Variants in SLC12A5 observed in about 807,000 individuals in gnomAD.
The protein encoded by SLC12A5 is K-Cl cotransporter 2.
SLC12A5 carries 18 observed loss-of-function variants against 124.0 expected under a neutral mutation model. The ratio of observed to expected loss-of-function variants is 0.15; its 90% CI spans 0.10 to 0.22. SLC12A5 has a LOEUF of 0.22. Ranked by LOEUF, SLC12A5 falls within the 10% of genes least tolerant of loss-of-function variation. The probability of loss-of-function intolerance (pLI) is 1.00; values close to 1 mark genes in which losing one functional copy is unlikely to be tolerated. For missense variants in SLC12A5, 867 were observed against 1,478.7 expected (o/e 0.59, Z 6.78); for synonymous variants, 589 against 568.0 (o/e 1.04, Z -0.53).
rs558132074 is a variant in SLC12A5 at position 46,058,415 on chromosome 20, G to C, written c.*810G>C. ...CTCCAGTCCTTTTCCGAGATGAGGT[G>C]AGACAAGGGTCCAACTTTTCCTGGA... On this transcript the variant is annotated 3_prime_UTR_variant, in exon 26 of 26. Transcript: ENST00000243964. The surrounding 1 kb of genome is among the most constrained non-coding windows in gnomAD (Gnocchi z 5.8). 7.5e-6 allele frequency: 3 copies of C among 398,952 alleles called. No homozygotes were observed. Among genetic ancestry groups the C allele is most frequent in the African/African-American group, 6.2e-5 (3 of 48,748 alleles). 24.7% of individuals were successfully genotyped at this position (398,952 alleles called of 1,614,324 possible).
Position 46,041,563 on chromosome 20 carries a change from GC to G in SLC12A5, c.1066+24del, listed in dbSNP as rs775472746. 9 of 1,611,942 alleles carry G rather than the reference GC, an allele frequency of 5.6e-6. No homozygotes were observed. In the East Asian group the frequency reaches 2.0e-4, roughly 36 times the overall value. ...AAGGTCTGCGGAGGGACAAGGGCTG[GC>G]ATCCAGGGAACGCTGCAGGGATTGT... On this transcript the variant is annotated intron_variant, in intron 8 of 25. Coordinates refer to ENST00000243964, the MANE Select transcript of SLC12A5 (RefSeq NM_020708.5).
chr20:46,040,290 G>A (rs1452904111), intron 6 of SLC12A5, 83 bp from the exon 7 acceptor site: 1 of 1,567,472 alleles, frequency 6.4e-7, no homozygotes, highest in Non-Finnish European at 8.6e-7. Context: ...GTGCTGTGAT[G>A]AGCATCTTTT....
chr20:46,049,789 A>C lies in SLC12A5; in HGVS notation c.2180A>C (p.Glu727Ala), dbSNP rs1344762308. ...CATCCACAGGCCCAGCGGGCAGAAG[A>C]GGTGAGCAGAGGCCCTGGTTGGGCT... ...ENHPQAQRAE[E>A]SIRRLMEAEK... is the part of the protein sequence containing the mutation. Residue 727 changes from glutamate (E) to alanine (A), a missense_variant and splice_region_variant, in exon 17 of 26, where the codon GAG (glutamate) becomes GCG (alanine). By Grantham distance (107) the Glu-to-Ala change is moderately radical. Coordinates refer to ENST00000243964, the MANE Select transcript of SLC12A5 (RefSeq NM_020708.5). 1 of 1,587,112 alleles carries C rather than the reference A, an allele frequency of 6.3e-7. No individual in the cohort carries two copies. The highest frequency in any genetic ancestry group is 1.2e-5 in the South Asian group (1 of 86,474).
intron 6 of SLC12A5, among the ~76,000 whole-genome samples, chr20:46,038,794 G>T (rs375582719): frequency 6.6e-6 from 1 of 152,096 alleles, no homozygotes; most frequent in East Asian, 1.9e-4. Context: ...ATACATTTAC[G>T]TGTCCTCTAT....
Position 46,057,475 on chromosome 20 carries a change from G to A in SLC12A5, c.3260-39G>A. The A allele has an allele frequency of 1.2e-6, 2 of 1,611,446 alleles. No individual in the cohort carries two copies. Among genetic ancestry groups the A allele is most frequent in the Non-Finnish European group, 1.7e-6 (2 of 1,177,616 alleles). The stretch of plus-strand genomic sequence containing the variant: ...GAGCGCGACCCCAATTTCGTCGGGA[G>A]GGAAGGAGACCGGGTCTTTCTCCTT... On this transcript the variant is annotated intron_variant, in intron 25 of 25. Coordinates refer to ENST00000243964, the MANE Select transcript of SLC12A5 (RefSeq NM_020708.5). This position sits in a 1 kb window ranked among gnomAD's most constrained non-coding sequence, Gnocchi z 7.1.
At chr20:46,048,116 A>G in intron 16 of SLC12A5, 31 bp downstream of exon 16, 1 of 1,572,306 alleles carries the variant, frequency 6.4e-7, no homozygotes, top group Non-Finnish European at 8.7e-7. Flanking sequence ...TGTGCATAAG[A>G]GTGTGTGTGC....
At chr20:46,035,167 C>T in intron 2 of SLC12A5, 125 bp downstream of exon 2, 1 of 1,087,820 alleles carries the variant, frequency 9.2e-7, no homozygotes, top group Non-Finnish European at 1.4e-6. Flanking sequence ...CTACCTTCTT[C>T]CTTGAGCCTC....
In SLC12A5 at chr20:46,036,735, T is replaced by A; in HGVS notation, c.427-6T>A. The A allele has an allele frequency of 6.2e-7, 1 of 1,613,712 alleles. No homozygotes were observed. Among genetic ancestry groups the A allele is most frequent in the African/African-American group, 1.3e-5 (1 of 75,012 alleles). On this transcript the variant is annotated splice_polypyrimidine_tract_variant and splice_region_variant and intron_variant, in intron 4 of 25. Coordinates refer to ENST00000243964, the MANE Select transcript of SLC12A5 (RefSeq NM_020708.5). Reference sequence around the variant, plus strand: ...GCCACCGCTCTGATGATCTCTTTCCTCACAGACGATGCTCACGGCCATCTC... The same window carrying A: ...GCCACCGCTCTGATGATCTCTTTCCACACAGACGATGCTCACGGCCATCTC...
chr20:46,048,832 C>T (rs1050733862), intron 16 of SLC12A5, among the ~76,000 whole-genome samples: 3 of 150,532 alleles, frequency 2.0e-5, no homozygotes, highest in Non-Finnish European at 4.4e-5. Flanking sequence ...TGTACCACTG[C>T]ACTCCAGCCT....
rs751018012 is a variant in SLC12A5 at position 46,029,310 on chromosome 20, G to A, written c.-35G>A. The A allele has an allele frequency of 2.6e-6, 4 of 1,522,508 alleles. No individual in the cohort carries two copies. The highest frequency in any genetic ancestry group is 1.3e-5 in the South Asian group (1 of 78,980). 94.3% of individuals were successfully genotyped at this position (1,522,508 alleles called of 1,614,324 possible). On this transcript the variant is annotated 5_prime_UTR_variant, in exon 1 of 26. Transcript: ENST00000243964. ...GGTAGAGGGGCGCGGGCGAGGCGGCGCAGCCATCCCCGGACCAGGGGCCGC... is the reference window on the plus strand; with the variant it reads ...GGTAGAGGGGCGCGGGCGAGGCGGCACAGCCATCCCCGGACCAGGGGCCGC...
chr20:46,032,195 G>T (rs374940635), intron 1 of SLC12A5, among the ~76,000 whole-genome samples: 1 of 152,202 alleles, frequency 6.6e-6, no homozygotes, highest in Admixed American at 6.5e-5. Flanking sequence ...CTGCGCTCTC[G>T]GCCTGCGCGG....
In SLC12A5 at chr20:46,047,936, C is replaced by G. The variant is rs75314370; in HGVS notation, c.1908-45C>G. 1.4e-4 allele frequency: 221 copies of G among 1,539,328 alleles called. 1 individual carries two copies. The East Asian group carries it at 5.0e-3, about 35-fold the overall frequency. ...GCAGTGTAGATGGTTCTCCCTGCCC[C>G]CTCCTGGCTTTCTGCTCTCATGTGA... On this transcript the variant is annotated intron_variant, in intron 15 of 25. Transcript: ENST00000243964.
At position 46,057,684 on chromosome 20, in the gene SLC12A5, A is replaced by C; in HGVS notation, c.*79A>C. 9.0e-7 allele frequency: 1 copy of C among 1,113,844 alleles called. No homozygotes were observed. Among genetic ancestry groups the C allele is most frequent in the Non-Finnish European group, 1.3e-6 (1 of 777,908 alleles). 69.0% of individuals were successfully genotyped at this position (1,113,844 alleles called of 1,614,324 possible). ...CCTCGCCGCGCCCCCCGCCGCTGTC[A>C]CCGTTTACATACAGACCCTGTGCCC... is the stretch of plus-strand genomic sequence containing the variant. On this transcript the variant is annotated 3_prime_UTR_variant, in exon 26 of 26. Transcript: ENST00000243964. The surrounding 1 kb of genome is among the most constrained non-coding windows in gnomAD (Gnocchi z 7.1).
In SLC12A5 at chr20:46,046,427, A is replaced by G; in HGVS notation, c.1778A>G (p.Tyr593Cys). The change falls in exon 14 of 26, where the codon TAT (tyrosine) becomes TGT (cysteine). Residue 593 changes from tyrosine (Y) to cysteine (C), a missense_variant. Tyr to Cys is a radical substitution (Grantham distance 194). This residue lies in a region of SLC12A5 where 152 missense variants were observed against 358.7 expected (regional missense o/e 0.42). Coordinates refer to ENST00000243964, the MANE Select transcript of SLC12A5 (RefSeq NM_020708.5). Reference protein sequence around the residue: ...RTPNWRPRFRYYHWTLSFLGM... With the variant: ...RTPNWRPRFRCYHWTLSFLGM... ...CCCAACTGGAGGCCACGCTTTCGAT[A>G]TTACCACTGGTGGGTGCTCTGTCCC... The G allele has an allele frequency of 1.2e-6, 2 of 1,613,956 alleles. No homozygotes were observed. The highest frequency in any genetic ancestry group is 1.7e-6 in the Non-Finnish European group (2 of 1,179,962).
At position 46,031,385 on chromosome 20, in the gene SLC12A5, TC is replaced by T. The variant is rs1226675687; in HGVS notation, c.52+1995del. Among the ~76,000 whole-genome samples, 4 of 151,814 alleles carry T rather than the reference TC, an allele frequency of 2.6e-5. No individual in the cohort carries two copies. The East Asian group carries it at 5.8e-4, about 22-fold the overall frequency. The stretch of plus-strand genomic sequence containing the variant: ...GTGCTGTGGGTCCCAGAGAGAGAAG[TC>T]CCCCCTCCTCCAAGCGGTGCTTGGA... On this transcript the variant is annotated intron_variant, in intron 1 of 25. Transcript: ENST00000243964.
intron 2 of SLC12A5, 130 bp from the exon 3 acceptor site, chr20:46,035,274 C>A: frequency 8.0e-7 from 1 of 1,248,106 alleles, no homozygotes; most frequent in African/African-American, 1.5e-5. Context: ...CCTGTTCCTC[C>A]TCCTTTCCCA....
Position 46,051,788 on chromosome 20 carries a change from G to A in SLC12A5, c.2295G>A (p.Gly765=), listed in dbSNP as rs781626075. The change falls in exon 18 of 26, where the codon GGG becomes GGA. Residue 765 remains glycine (G), a synonymous_variant. Transcript: ENST00000243964. The part of the protein sequence containing the change: ...SHLIQSGGLG[G]LQHNTVLVGW... The stretch of plus-strand genomic sequence containing the variant: ...TGATCCAGTCCGGGGGCCTCGGGGG[G>A]CTGCAGCACAACACTGTGCTTGTTG... The A allele has an allele frequency of 1.9e-6, 3 of 1,608,298 alleles. No homozygotes were observed. Among genetic ancestry groups the A allele is most frequent in the East Asian group, 2.3e-5 (1 of 44,258 alleles).
chr20:46,043,122 G>A lies in SLC12A5; in HGVS notation c.1067-31G>A, dbSNP rs772155984. 3.7e-6 allele frequency: 6 copies of A among 1,607,546 alleles called. No homozygotes were observed. The African/African-American group carries it at 6.7e-5, about 18-fold the overall frequency. On this transcript the variant is annotated intron_variant, in intron 8 of 25. Coordinates refer to ENST00000243964, the MANE Select transcript of SLC12A5 (RefSeq NM_020708.5). ...CAGAGCTCTGGTCCCCTTATGGCTGGCCTCCCCCTGAGCATTCTGTCTCCC... is the reference window on the plus strand; with the variant it reads ...CAGAGCTCTGGTCCCCTTATGGCTGACCTCCCCCTGAGCATTCTGTCTCCC...
Position 46,043,629 on chromosome 20 carries a change from G to T in SLC12A5, c.1238-4G>T, listed in dbSNP as rs756258446. The T allele has an allele frequency of 4.3e-6, 7 of 1,614,170 alleles. No individual in the cohort carries two copies. The highest frequency in any genetic ancestry group is 1.1e-5 in the South Asian group (1 of 91,080). On this transcript the variant is annotated splice_region_variant and splice_polypyrimidine_tract_variant and intron_variant, in intron 9 of 25. Transcript: ENST00000243964. ...TGAGTCCTAGCTGCACTTCTGTTTT[G>T]CAGGGATCATGGCTGGTTCTAACCG...
Sources: allele counts gnomAD v4.1 joint callset (sites outside exome capture counted in the v4.1 genomes callset), GRCh38; gene constraint gnomAD v4.1.1; regional missense constraint gnomAD v4.1.1; non-coding constraint Gnocchi (gnomAD v3.1); transcripts MANE v1.5; gene names NCBI Gene and HGNC (gene_info 2026-07-23, HGNC 2026-07-21).